NEDD4L: variants seen among roughly 807,000 people sequenced by gnomAD.
The protein encoded by NEDD4L is E3 ubiquitin-protein ligase NEDD4-like.
NEDD4L carries 54 observed loss-of-function variants against 148.9 expected under a neutral mutation model. That is an observed-to-expected ratio of 0.36 (90% CI 0.29 to 0.45). NEDD4L has a LOEUF of 0.45. Ranked by LOEUF, NEDD4L falls within the 20% of genes least tolerant of loss-of-function variation. The pLI, the probability that NEDD4L is intolerant of heterozygous loss-of-function variation, is 1.00. For missense variants in NEDD4L, 856 were observed against 1,233.8 expected, an observed-to-expected ratio of 0.69 and a Z score of 4.59; for synonymous variants, 433 against 440.7, an observed-to-expected ratio of 0.98 and a Z score of 0.22.
intron 1 of NEDD4L, among the ~76,000 whole-genome samples, chr18:58,107,448 T>G (rs2145599036): frequency 6.6e-6 from 1 of 152,234 alleles, no homozygotes; most frequent in South Asian, 2.1e-4. Flanking sequence ...CCAGGTGAGG[T>G]GGCTGATTCC....
chr18:58,280,665 G>A (rs990926974), intron 5 of NEDD4L, among the ~76,000 whole-genome samples: 4 of 152,190 alleles, frequency 2.6e-5, no homozygotes, highest in Non-Finnish European at 4.4e-5. Context: ...GGGCAGGGAA[G>A]CAGTATTGTG....
intron 6 of NEDD4L, among the ~76,000 whole-genome samples, chr18:58,319,954 T>C (rs1033302600): frequency 6.6e-6 from 1 of 152,180 alleles, no homozygotes; most frequent in African/African-American, 2.4e-5. Flanking sequence ...TACTGCCCCA[T>C]TTTATAGATG....
chr18:58,275,450 A>G (rs556468904), intron 5 of NEDD4L, among the ~76,000 whole-genome samples: 37 of 152,220 alleles, frequency 2.4e-4, no homozygotes, highest in African/African-American at 8.9e-4. Flanking sequence ...ATAATTAACC[A>G]CCCACACACA....
chr18:58,242,819 G>A (rs113169063), intron 2 of NEDD4L, among the ~76,000 whole-genome samples: 3 of 152,144 alleles, frequency 2.0e-5, no homozygotes, highest in African/African-American at 4.8e-5. Flanking sequence ...TCCTCCCCTC[G>A]AGCTTACATC....
chr18:58,248,074 C>T (rs553104004), intron 3 of NEDD4L, among the ~76,000 whole-genome samples: 3 of 152,242 alleles, frequency 2.0e-5, no homozygotes, highest in South Asian at 4.1e-4. Context: ...AAATATCTAT[C>T]GCTGTTGGTG....
chr18:58,291,027 CAG>C (rs1411796818), intron 5 of NEDD4L, among the ~76,000 whole-genome samples: 1 of 145,294 alleles, frequency 6.9e-6, no homozygotes, highest in Non-Finnish European at 1.5e-5. Flanking sequence ...CATGGTCACA[CAG>C]AGAGAGAACC....
rs150752683 is a variant in NEDD4L at position 58,391,383 on chromosome 18, T to C, written c.2753-104T>C. The stretch of plus-strand genomic sequence containing the variant: ...AAGAGAGTGTCTTGGGCCTCACCCC[T>C]GGGGGCAAACCCTGCCCTGACAGTA... On this transcript the variant is annotated intron_variant, in intron 29 of 30. Coordinates refer to ENST00000400345, the MANE Select transcript of NEDD4L (RefSeq NM_001144967.3). The C allele has an allele frequency of 3.8e-3, 3,452 of 901,574 alleles. 6 individuals carry two copies. Among genetic ancestry groups the C allele is most frequent in the Non-Finnish European group, 5.5e-3 (3,035 of 555,434 alleles). 55.8% of individuals were successfully genotyped at this position (901,574 alleles called of 1,614,324 possible).
intron 1 of NEDD4L, among the ~76,000 whole-genome samples, chr18:58,060,301 C>A (rs1303554590): frequency 6.6e-6 from 1 of 152,114 alleles, no homozygotes; most frequent in African/African-American, 2.4e-5. Context: ...CTGGGCTTTT[C>A]TTATTAGTAA....
chr18:58,227,434 C>G (rs1007672854), intron 2 of NEDD4L, among the ~76,000 whole-genome samples: 1 of 152,146 alleles, frequency 6.6e-6, no homozygotes, highest in Admixed American at 6.5e-5. Flanking sequence ...TTCTTCTGAG[C>G]TGTCAGTATT....
intron 1 of NEDD4L, among the ~76,000 whole-genome samples, chr18:58,147,819 C>G (rs1268324449): frequency 1.3e-5 from 2 of 152,096 alleles, no homozygotes; most frequent in Non-Finnish European, 2.9e-5. Flanking sequence ...TGCCTGTGAC[C>G]TCTCTTTACT....
chr18:58,081,476 A>C (rs2083431755), intron 1 of NEDD4L, among the ~76,000 whole-genome samples: 1 of 152,012 alleles, frequency 6.6e-6, no homozygotes, highest in Non-Finnish European at 1.5e-5. Flanking sequence ...TGGCCTCCCA[A>C]AGTGCTACGA....
intron 9 of NEDD4L, among the ~76,000 whole-genome samples, chr18:58,326,706 C>G (rs1213962783): frequency 6.6e-6 from 1 of 151,960 alleles, no homozygotes; most frequent in East Asian, 1.9e-4. Context: ...GAGCAACTCA[C>G]AAAGGAAAAA....
chr18:58,310,017 T>TGCTCTC (rs900627519), intron 5 of NEDD4L, among the ~76,000 whole-genome samples: 16 of 152,334 alleles, frequency 1.1e-4, no homozygotes, highest in African/African-American at 3.1e-4. Context: ...TGCTTGCGCT[T>TGCTCTC]GCTCTCGCTC....
chr18:58,237,876 G>A (rs2046211036), intron 2 of NEDD4L, among the ~76,000 whole-genome samples: 1 of 152,176 alleles, frequency 6.6e-6, no homozygotes, highest in Non-Finnish European at 1.5e-5. Flanking sequence ...TGGATGGCAA[G>A]GGGGGCTGCA....
intron 5 of NEDD4L, among the ~76,000 whole-genome samples, chr18:58,293,365 G>T (rs779090605): frequency 3.6e-4 from 55 of 152,330 alleles, no homozygotes; most frequent in Non-Finnish European, 5.9e-4. Flanking sequence ...AGTCTAGCTG[G>T]TTTTTAATTT....
At chr18:58,084,679 GTGT>G (rs2083661403) in intron 1 of NEDD4L, among the ~76,000 whole-genome samples, 1 of 149,410 alleles carries the variant, frequency 6.7e-6, no homozygotes, top group Admixed American at 6.7e-5. Context: ...TTTTGTGTGT[GTGT>G]GTGTGTGTGT....
chr18:58,162,144 C>T (rs2036293572), intron 1 of NEDD4L, among the ~76,000 whole-genome samples: 1 of 152,196 alleles, frequency 6.6e-6, no homozygotes. Context: ...TGTTCTCCCT[C>T]CTTCTGCCCT....
chr18:58,147,293 C>T (rs1171419014), intron 1 of NEDD4L, among the ~76,000 whole-genome samples: 2 of 152,154 alleles, frequency 1.3e-5, no homozygotes, highest in Non-Finnish European at 2.9e-5. Context: ...GGGGGCTGTC[C>T]TGTGCCCCAT....
chr18:58,347,224 C>G (rs1476531576), intron 16 of NEDD4L, among the ~76,000 whole-genome samples: 8 of 118,534 alleles, frequency 6.7e-5, no homozygotes, highest in African/African-American at 9.7e-5. Flanking sequence ...GCCCCCCCCC[C>G]CCCTTTAAAT....
Sources: allele counts gnomAD v4.1 joint callset (sites outside exome capture counted in the v4.1 genomes callset), GRCh38; gene constraint gnomAD v4.1.1; transcripts MANE v1.5; gene names NCBI Gene and HGNC (gene_info 2026-07-23, HGNC 2026-07-21).